CTNNA3: variants seen among roughly 807,000 people sequenced by gnomAD.
The protein encoded by CTNNA3 is catenin alpha 3.
A neutral mutation model predicts 95.7 loss-of-function variants in CTNNA3; 76 were observed. That is an observed-to-expected ratio of 0.79 (90% confidence interval 0.66 to 0.96). The LOEUF (loss-of-function observed/expected upper bound fraction) is 0.96. Ranked by LOEUF, CTNNA3 falls within the 40% of genes least tolerant of loss-of-function variation. CTNNA3 has a pLI of 0.00. For missense variants in CTNNA3, 1,191 were observed against 1,089.8 expected (o/e 1.09, Z -1.31); for synonymous variants, 431 against 374.4 (o/e 1.15, Z -1.74).
At chr10:66,265,587 C>A (rs951175658) in intron 13 of CTNNA3, among the ~76,000 whole-genome samples, 1 of 151,996 alleles carries the variant, frequency 6.6e-6, no homozygotes, top group African/African-American at 2.4e-5. Context: ...AGAAACAGTG[C>A]CTCCTTCCTG....
chr10:66,691,966 C>T (rs565343012), intron 9 of CTNNA3, among the ~76,000 whole-genome samples: 8 of 152,060 alleles, frequency 5.3e-5, no homozygotes, highest in Non-Finnish European at 4.4e-5. Flanking sequence ...ATCTGTACAT[C>T]GCCATCATCA....
Position 67,129,029 on chromosome 10 carries a change from AG to A in CTNNA3, c.1047+51287del, listed in dbSNP as rs1438551529. ...TGAATTATAAAAGACTGCAAATATAAGGGAGGAAAAAAGAACTGTGAAAATT... is the reference window on the plus strand; with the variant it reads ...TGAATTATAAAAGACTGCAAATATAAGGAGGAAAAAAGAACTGTGAAAATT... On this transcript the variant is annotated intron_variant, in intron 7 of 17. Coordinates refer to ENST00000433211, the MANE Select transcript of CTNNA3 (RefSeq NM_013266.4). 6.6e-5 allele frequency among the ~76,000 whole-genome samples: 10 copies of A among 152,290 alleles called. No homozygotes were observed. The East Asian group carries it at 1.9e-3, about 29-fold the overall frequency.
chr10:66,003,879 T>A (rs748225651), intron 15 of CTNNA3, among the ~76,000 whole-genome samples: 1 of 152,226 alleles, frequency 6.6e-6, no homozygotes, highest in Non-Finnish European at 1.5e-5. Context: ...CCTTTTGCAC[T>A]ACACACATTT....
chr10:67,563,549 A>G (rs1197914528), intron 3 of CTNNA3, among the ~76,000 whole-genome samples: 1 of 152,182 alleles, frequency 6.6e-6, no homozygotes, highest in Non-Finnish European at 1.5e-5. Context: ...CTAGAAGAAA[A>G]CCTAGGCATT....
At chr10:66,465,137 A>C (rs761746165) in intron 11 of CTNNA3, among the ~76,000 whole-genome samples, 1 of 152,150 alleles carries the variant, frequency 6.6e-6, no homozygotes, top group Non-Finnish European at 1.5e-5. Flanking sequence ...GAAGCTAACA[A>C]AATGTCCCAA....
chr10:67,641,874 G>A (rs1425170314), intron 2 of CTNNA3, among the ~76,000 whole-genome samples: 1 of 152,142 alleles, frequency 6.6e-6, no homozygotes. Context: ...GCCGGGAGCG[G>A]GGAGTGATAG....
intron 1 of CTNNA3, among the ~76,000 whole-genome samples, chr10:67,690,931 T>C (rs1297330325): frequency 3.9e-5 from 6 of 152,168 alleles, no homozygotes; most frequent in African/African-American, 1.4e-4. Flanking sequence ...ACGGTCTCCC[T>C]CTGATGCCGA....
chr10:67,299,927 T>C (rs1840199310), intron 5 of CTNNA3, among the ~76,000 whole-genome samples: 1 of 152,204 alleles, frequency 6.6e-6, no homozygotes, highest in South Asian at 2.1e-4. Flanking sequence ...GACAGTACAT[T>C]GGAAGGCTGC....
At chr10:67,564,677 G>GTATATA (rs71006151) in intron 3 of CTNNA3, among the ~76,000 whole-genome samples, 1,599 of 61,220 alleles carry the variant, frequency 0.026, 97 homozygotes, top group African/African-American at 0.05. Context: ...GTGTGTGTGT[G>GTATATA]TATATATATA....
intron 11 of CTNNA3, among the ~76,000 whole-genome samples, chr10:66,456,739 A>C (rs749662097): frequency 1.8e-4 from 27 of 152,118 alleles, no homozygotes; most frequent in Non-Finnish European, 3.1e-4. Flanking sequence ...ACCTCACTTT[A>C]TCCAAAATTT....
At chr10:66,925,024 A>G (rs1846991055) in intron 7 of CTNNA3, among the ~76,000 whole-genome samples, 1 of 152,184 alleles carries the variant, frequency 6.6e-6, no homozygotes, top group African/African-American at 2.4e-5. Context: ...AGAACAAGCA[A>G]GAATTTGCTA....
At chr10:66,946,865 T>C (rs1020172297) in intron 7 of CTNNA3, among the ~76,000 whole-genome samples, 1 of 152,168 alleles carries the variant, frequency 6.6e-6, no homozygotes, top group African/African-American at 2.4e-5. Context: ...TTTCATGTAT[T>C]CCACAGCATG....
At chr10:66,044,444 C>A (rs56196938) in intron 15 of CTNNA3, among the ~76,000 whole-genome samples, 28,760 of 149,186 alleles carry the variant, frequency 0.19, 3,081 homozygotes, top group Middle Eastern at 0.26. Flanking sequence ...TTAGAAATTT[C>A]TTCTCATTTC....
chr10:66,045,254 A>C (rs909183078), intron 15 of CTNNA3, among the ~76,000 whole-genome samples: 1 of 152,100 alleles, frequency 6.6e-6, no homozygotes, highest in African/African-American at 2.4e-5. Flanking sequence ...CAAAAACCAA[A>C]CTACTCTATA....
intron 12 of CTNNA3, among the ~76,000 whole-genome samples, chr10:66,308,241 A>G (rs990968679): frequency 6.6e-6 from 1 of 152,176 alleles, no homozygotes; most frequent in African/African-American, 2.4e-5. Flanking sequence ...CATTCTTGGT[A>G]TTGTTCATAA....
chr10:65,916,364 T>G lies in CTNNA3; in HGVS notation c.*3966A>C, dbSNP rs1313647208. On this transcript the variant is annotated 3_prime_UTR_variant, in exon 18 of 18. Coordinates refer to ENST00000433211, the MANE Select transcript of CTNNA3 (RefSeq NM_013266.4). ...GTACAGATTTCATTCAAATTCAGATTCTGGTGCCTGCTTTGCCAACCTAAA... is the reference window on the plus strand; with the variant it reads ...GTACAGATTTCATTCAAATTCAGATGCTGGTGCCTGCTTTGCCAACCTAAA... 6.6e-6 allele frequency: 1 copy of G among 152,126 alleles called. No homozygotes were observed. The highest frequency in any genetic ancestry group is 6.6e-5 in the Admixed American group (1 of 15,264). 9.4% of individuals were successfully genotyped at this position (152,126 alleles called of 1,614,324 possible). A position where few individuals can be genotyped will look rare whatever the true frequency, so the allele number is the denominator to read the frequency against.
At chr10:67,416,039 A>C (rs1845526589) in intron 5 of CTNNA3, among the ~76,000 whole-genome samples, 1 of 152,154 alleles carries the variant, frequency 6.6e-6, no homozygotes, top group Non-Finnish European at 1.5e-5. Context: ...CAAACTATAA[A>C]AATCCTAGAA....
chr10:66,829,716 C>T (rs532779586), intron 7 of CTNNA3, among the ~76,000 whole-genome samples: 8 of 148,266 alleles, frequency 5.4e-5, no homozygotes, highest in African/African-American at 1.5e-4. Context: ...AGGACTAGTG[C>T]AATTTCATGA....
At chr10:67,600,860 G>T (rs899976557) in intron 3 of CTNNA3, among the ~76,000 whole-genome samples, 2 of 151,840 alleles carry the variant, frequency 1.3e-5, no homozygotes, top group African/African-American at 4.9e-5. Context: ...ATCAATGAAT[G>T]AATGAACTAC....
Sources: allele counts gnomAD v4.1 joint callset (sites outside exome capture counted in the v4.1 genomes callset), GRCh38; gene constraint gnomAD v4.1.1; transcripts MANE v1.5; gene names NCBI Gene and HGNC (gene_info 2026-07-23, HGNC 2026-07-21).